GPC1: variants seen among roughly 807,000 people sequenced by gnomAD.
GPC1 encodes glypican-1.
In GPC1, 26 loss-of-function variants were observed where a neutral mutation model predicts 51.5. That is an observed-to-expected ratio of 0.50 (90% CI 0.37 to 0.70). The LOEUF is 0.70. Ranked by LOEUF, GPC1 falls within the 30% of genes least tolerant of loss-of-function variation. The probability of loss-of-function intolerance (pLI) is 0.00; values close to 1 mark genes in which losing one functional copy is unlikely to be tolerated. For missense variants in GPC1, 775 were observed against 800.5 expected (o/e 0.97, Z 0.38); for synonymous variants, 380 against 348.3 (o/e 1.09, Z -1.01).
At chr2:240,458,763 G>A (rs1270684200) in intron 1 of GPC1, 1 of 439,834 alleles carries the variant, frequency 2.3e-6, no homozygotes, top group Admixed American at 3.9e-5. Flanking sequence ...AGGCTGGGGG[G>A]CAGGACTTGC....
intron 1 of GPC1, chr2:240,452,943 C>A: frequency 3.1e-6 from 1 of 322,092 alleles, no homozygotes; most frequent in South Asian, 2.2e-5. Flanking sequence ...GGCCCCGCTC[C>A]GCCGCCTTTC....
At chr2:240,465,027 C>T in intron 6 of GPC1, 50 bp from the exon 7 acceptor site, 2 of 1,578,394 alleles carry the variant, frequency 1.3e-6, no homozygotes, top group Non-Finnish European at 1.7e-6. Flanking sequence ...GGCAGACAGG[C>T]AGAGGCGGGC....
chr2:240,451,198 G>A, intron 1 of GPC1: 1 of 471,178 alleles, frequency 2.1e-6, no homozygotes, highest in Non-Finnish European at 4.4e-6. Context: ...TTTGCTCTGG[G>A]ATCCGGCCCA....
intron 3 of GPC1, among the ~76,000 whole-genome samples, chr2:240,462,939 G>T (rs2074229021): frequency 6.6e-6 from 1 of 152,130 alleles, no homozygotes; most frequent in Non-Finnish European, 1.5e-5. Flanking sequence ...GCCGGGCAGG[G>T]TGGGGCCCCA....
intron 1 of GPC1, among the ~76,000 whole-genome samples, chr2:240,445,153 C>T (rs550098553): frequency 2.0e-5 from 3 of 152,318 alleles, no homozygotes; most frequent in African/African-American, 7.2e-5. Flanking sequence ...TCAGCATCTT[C>T]AGTCTCCCTC....
At chr2:240,464,377 T>G in intron 4 of GPC1, 2 of 520,214 alleles carry the variant, frequency 3.8e-6, no homozygotes, top group South Asian at 2.1e-5. Context: ...GGCCTCTGTG[T>G]ATGTGCGTGT....
chr2:240,446,340 G>A lies in GPC1; in HGVS notation c.166+10256G>A, dbSNP rs118151125. 1.3e-3 allele frequency among the ~76,000 whole-genome samples: 191 copies of A among 152,370 alleles called. 2 individuals carry two copies. In the East Asian group the frequency reaches 0.022, roughly 17 times the overall value. On this transcript the variant is annotated intron_variant, in intron 1 of 8. Transcript: ENST00000264039. ...TGGGTGCTGTTCTGGGTGCTGAAACGCAGCTGCAGACAGAGCCCTTGCTCT... is the reference window on the plus strand; with the variant it reads ...TGGGTGCTGTTCTGGGTGCTGAAACACAGCTGCAGACAGAGCCCTTGCTCT...
At chr2:240,440,923 C>T (rs1260252121) in intron 1 of GPC1, among the ~76,000 whole-genome samples, 1 of 152,268 alleles carries the variant, frequency 6.6e-6, no homozygotes, top group African/African-American at 2.4e-5. Context: ...AGGGCTGTTC[C>T]CAGCGTGTGC....
At position 240,464,749 on chromosome 2, in the gene GPC1, G is replaced by A; in HGVS notation, c.1014+3G>A. The A allele has an allele frequency of 6.2e-7, 1 of 1,605,364 alleles. No homozygotes were observed. Among genetic ancestry groups the A allele is most frequent in the Non-Finnish European group, 8.5e-7 (1 of 1,176,224 alleles). On this transcript the variant is annotated splice_donor_region_variant and intron_variant, in intron 5 of 8. Coordinates refer to ENST00000264039, the MANE Select transcript of GPC1 (RefSeq NM_002081.3). Reference sequence around the variant, plus strand: ...ACAGGGACACGCTCACGGCCAAGGTGCGGGCAGGAGGACGTGACGAGCACA... The same window carrying A: ...ACAGGGACACGCTCACGGCCAAGGTACGGGCAGGAGGACGTGACGAGCACA...
At chr2:240,459,267 G>A (rs2074197080) in intron 2 of GPC1, 79 bp downstream of exon 2, 1 of 1,334,326 alleles carries the variant, frequency 7.5e-7, no homozygotes, top group Non-Finnish European at 1.0e-6. Flanking sequence ...CTTGCCTGGT[G>A]TGTCAATGCC....
intron 1 of GPC1, chr2:240,453,104 C>A: frequency 3.5e-6 from 1 of 288,788 alleles, no homozygotes. Context: ...CGCAGGCGCG[C>A]CACCCCCATC....
At position 240,436,883 on chromosome 2, in the gene GPC1, TA is replaced by T. The variant is rs532149694; in HGVS notation, c.166+801del. ...GAACAGCGGCCCTCTTGGCGCCCCC[TA>T]AGCCCTGCAGCCGCCTGCGGCTCTG... On this transcript the variant is annotated intron_variant, in intron 1 of 8. Coordinates refer to ENST00000264039, the MANE Select transcript of GPC1 (RefSeq NM_002081.3). 1.6e-4 allele frequency among the ~76,000 whole-genome samples: 24 copies of T among 152,328 alleles called. 1 individual carries two copies. The South Asian group carries it at 4.8e-3, about 30-fold the overall frequency.
chr2:240,463,757 G>T, intron 4 of GPC1: 1 of 549,438 alleles, frequency 1.8e-6, no homozygotes, highest in South Asian at 2.4e-5. Context: ...ATAGTTTCTT[G>T]TCCTTCCCCA....
intron 1 of GPC1, among the ~76,000 whole-genome samples, chr2:240,444,716 G>C (rs1443202185): frequency 6.6e-6 from 1 of 152,232 alleles, no homozygotes; most frequent in Non-Finnish European, 1.5e-5. Flanking sequence ...GTCTCAGCCT[G>C]TCCCTGCATC....
At position 240,466,073 on chromosome 2, in the gene GPC1, G is replaced by A. The variant is rs754938318; in HGVS notation, c.1460G>A (p.Gly487Asp). ...DFQDASDDGS[G>D]SGSGDGCLDD... ...TCCTTCCCAGGTGACGACGGCAGCG[G>A]CTCGGGCAGCGGTGATGGCTGTCTG... The change falls in exon 9 of 9, where the codon GGC becomes GAC. Residue 487 changes from glycine (G) to aspartate (D), a missense_variant. Physicochemically the swap from Gly to Asp is moderately conservative, Grantham distance 94. Coordinates refer to ENST00000264039, the MANE Select transcript of GPC1 (RefSeq NM_002081.3). 1.9e-6 allele frequency: 3 copies of A among 1,610,242 alleles called. No homozygotes were observed. The highest frequency in any genetic ancestry group is 1.7e-6 in the Non-Finnish European group (2 of 1,178,436).
chr2:240,439,525 C>T (rs1367088208), intron 1 of GPC1, among the ~76,000 whole-genome samples: 1 of 152,230 alleles, frequency 6.6e-6, no homozygotes, highest in African/African-American at 2.4e-5. Flanking sequence ...CTGTACCAAG[C>T]ACCCACTCGT....
In GPC1 at chr2:240,463,370, G is replaced by C. The variant is rs377724787; in HGVS notation, c.741G>C (p.Ser247=). The part of the protein sequence containing the change: ...VAQVPLGPEC[S]RAVMKLVYCA... ...AGGTCCCCCTGGGCCCGGAGTGCTC[G>C]AGAGCTGTCATGAAGCTGGTCTACT... Residue 247 remains serine (S), a synonymous_variant, in exon 4 of 9, where the codon TCG becomes TCC. Transcript: ENST00000264039. 30 of 1,612,694 alleles carry C rather than the reference G, an allele frequency of 1.9e-5. No individual in the cohort carries two copies. Among genetic ancestry groups the C allele is most frequent in the Non-Finnish European group, 2.2e-5 (26 of 1,179,888 alleles).
At position 240,465,128 on chromosome 2, in the gene GPC1, C is replaced by T. The variant is rs1274288573; in HGVS notation, c.1186C>T (p.Leu396Phe). Residue 396 changes from leucine to phenylalanine, a missense_variant, in exon 7 of 9, where the codon CTC becomes TTC. Leu to Phe is a conservative substitution (Grantham distance 22). Transcript: ENST00000264039. ...LRDVQDFWIS[L>F]PGTLCSEKMA... ...CGACGTCCAGGACTTCTGGATCAGC[C>T]TCCCAGGGACACTGTGCAGTGAGAA... 7 of 1,611,850 alleles carry T rather than the reference C, an allele frequency of 4.3e-6. No individual in the cohort carries two copies. Among genetic ancestry groups the T allele is most frequent in the Non-Finnish European group, 5.9e-6 (7 of 1,179,640 alleles).
In GPC1 at chr2:240,466,260, C is replaced by T. The variant is rs1209580667; in HGVS notation, c.1647C>T (p.Ala549=). 2 of 1,606,950 alleles carry T rather than the reference C, an allele frequency of 1.2e-6. No homozygotes were observed. Among genetic ancestry groups the T allele is most frequent in the African/African-American group, 2.7e-5 (2 of 74,806 alleles). Residue 549 remains alanine, a synonymous_variant, in exon 9 of 9, where the codon GCC becomes GCT. Coordinates refer to ENST00000264039, the MANE Select transcript of GPC1 (RefSeq NM_002081.3). Reference sequence around the variant, plus strand: ...TCCTGCCCCTCCTCCTCTTCCTGGCCCTTACAGTAGCCAGGCCCCGGTGGC... The same window carrying T: ...TCCTGCCCCTCCTCCTCTTCCTGGCTCTTACAGTAGCCAGGCCCCGGTGGC... The part of the protein sequence containing the change: ...TFLLPLLLFL[A]LTVARPRWR
Sources: gnomAD v4.1 joint callset for allele counts (sites outside exome capture counted in the v4.1 genomes callset) on GRCh38, gnomAD v4.1.1 for gene constraint, MANE v1.5 for transcripts, NCBI Gene and HGNC (gene_info 2026-07-23, HGNC 2026-07-21) for gene names.